PRKCE: variants seen among roughly 807,000 people sequenced by gnomAD.
PRKCE encodes protein kinase C epsilon type.
A neutral mutation model predicts 85.4 loss-of-function variants in PRKCE; 16 were observed. The ratio of observed to expected loss-of-function variants is 0.19; its 90% confidence interval spans 0.13 to 0.28. PRKCE has a LOEUF of 0.28. Ranked by LOEUF, PRKCE falls within the 10% of genes least tolerant of loss-of-function variation. The pLI is 1.00. For missense variants in PRKCE, 573 were observed against 975.2 expected, an observed-to-expected ratio of 0.59 and a Z score of 5.49; for synonymous variants, 388 against 371.5, an observed-to-expected ratio of 1.04 and a Z score of -0.51.
At chr2:45,869,678 T>TTTTGTC (rs1558774090) in intron 2 of PRKCE, among the ~76,000 whole-genome samples, 1 of 150,820 alleles carries the variant, frequency 6.6e-6, no homozygotes, top group African/African-American at 2.4e-5. Flanking sequence ...ACATTTTTCT[T>TTTTGTC]TTTGTTTTTG....
At chr2:45,897,338 T>A (rs1370218146) in intron 2 of PRKCE, among the ~76,000 whole-genome samples, 1 of 152,198 alleles carries the variant, frequency 6.6e-6, no homozygotes, top group African/African-American at 2.4e-5. Flanking sequence ...CTGATCTTCC[T>A]CAGGACACAG....
At chr2:46,152,014 AC>A (rs948841792) in intron 13 of PRKCE, among the ~76,000 whole-genome samples, 31 of 152,226 alleles carry the variant, frequency 2.0e-4, no homozygotes, top group Non-Finnish European at 5.9e-5. Context: ...AGGGACCATG[AC>A]TTCTAGACTT....
intron 2 of PRKCE, among the ~76,000 whole-genome samples, chr2:45,875,821 A>G (rs1352330489): frequency 6.6e-6 from 1 of 152,238 alleles, no homozygotes; most frequent in Non-Finnish European, 1.5e-5. Flanking sequence ...CTCATCACAG[A>G]CGTTTTAGAA....
intron 2 of PRKCE, among the ~76,000 whole-genome samples, chr2:45,865,666 C>T (rs1693533122): frequency 6.6e-6 from 1 of 152,174 alleles, no homozygotes; most frequent in African/African-American, 2.4e-5. Flanking sequence ...GCCTTTCCAA[C>T]ATGTGAGGCT....
At chr2:45,692,569 C>A (rs1013261156) in intron 1 of PRKCE, among the ~76,000 whole-genome samples, 1 of 152,164 alleles carries the variant, frequency 6.6e-6, no homozygotes, top group Non-Finnish European at 1.5e-5. Context: ...CTTCTACATA[C>A]ATTTTTAGGG....
intron 1 of PRKCE, among the ~76,000 whole-genome samples, chr2:45,822,941 A>G (rs1689654359): frequency 6.6e-6 from 1 of 152,254 alleles, no homozygotes. Context: ...ATAATCACAG[A>G]TAAGTGATGG....
chr2:46,047,022 T>C (rs1008569726), intron 10 of PRKCE, among the ~76,000 whole-genome samples: 1 of 152,178 alleles, frequency 6.6e-6, no homozygotes, highest in South Asian at 2.1e-4. Context: ...CTGCTCTCTG[T>C]CCCTTCTCCT....
chr2:46,089,228 G>A (rs761794844), intron 11 of PRKCE, among the ~76,000 whole-genome samples: 6 of 152,102 alleles, frequency 3.9e-5, no homozygotes, highest in Admixed American at 3.3e-4. Context: ...TTCAACCTTC[G>A]CATGGCTTCA....
intron 1 of PRKCE, among the ~76,000 whole-genome samples, chr2:45,776,774 G>T (rs1449657019): frequency 6.6e-6 from 1 of 152,102 alleles, no homozygotes; most frequent in African/African-American, 2.4e-5. Flanking sequence ...GAAAACTGCT[G>T]GAGGAAGGCC....
intron 1 of PRKCE, among the ~76,000 whole-genome samples, chr2:45,665,679 T>C (rs1277664792): frequency 6.6e-6 from 1 of 152,230 alleles, no homozygotes; most frequent in Non-Finnish European, 1.5e-5. Flanking sequence ...TAAATTTGAA[T>C]TGCAGGTAAA....
chr2:46,074,429 C>CAAAAAAAAAAAAAAAAAAAAAAAACAA (rs11287357), intron 10 of PRKCE, among the ~76,000 whole-genome samples: 25 of 93,804 alleles, frequency 2.7e-4, no homozygotes, highest in East Asian at 1.4e-3. Context: ...CAACAACAAC[C>CAAAAAAAAAAAAAAAAAAAAAAAACAA]AAAAAAAAAA....
In PRKCE at chr2:45,774,716, T is replaced by TG. The variant is rs907988519; in HGVS notation, c.349-68283dup. ...ATTTCCCACCTTGCCTTCTGATAGA[T>TG]GAATCAAGCCGGGACGCCCAGTCAC... is the stretch of plus-strand genomic sequence containing the variant. On this transcript the variant is annotated intron_variant, in intron 1 of 14. Coordinates refer to ENST00000306156, the MANE Select transcript of PRKCE (RefSeq NM_005400.3). The surrounding 1 kb of genome is among the most constrained non-coding windows in gnomAD (Gnocchi z 4.3). Among the ~76,000 whole-genome samples the TG allele has an allele frequency of 6.6e-6, 1 of 152,026 alleles. No individual in the cohort carries two copies. Among genetic ancestry groups the TG allele is most frequent in the Non-Finnish European group, 1.5e-5 (1 of 68,000 alleles).
chr2:45,851,133 G>C (rs1692221111), intron 2 of PRKCE, among the ~76,000 whole-genome samples: 1 of 152,180 alleles, frequency 6.6e-6, no homozygotes, highest in Non-Finnish European at 1.5e-5. Flanking sequence ...CGTGATCACT[G>C]ATCCACATGG....
At chr2:46,040,555 T>G (rs1326675643) in intron 10 of PRKCE, among the ~76,000 whole-genome samples, 1 of 152,212 alleles carries the variant, frequency 6.6e-6, no homozygotes, top group Admixed American at 6.5e-5. Context: ...TGAGAGCCAC[T>G]GTCTAGGACT....
chr2:46,177,222 C>A (rs1437127792), intron 14 of PRKCE, among the ~76,000 whole-genome samples: 2 of 152,154 alleles, frequency 1.3e-5, no homozygotes, highest in South Asian at 4.1e-4. Flanking sequence ...TCAAGACCAG[C>A]CAGGACAACA....
chr2:45,969,720 T>C (rs1701982816), intron 2 of PRKCE, among the ~76,000 whole-genome samples: 1 of 152,222 alleles, frequency 6.6e-6, no homozygotes, highest in African/African-American at 2.4e-5. Flanking sequence ...AAAAAGTCAC[T>C]AAAGAGCATT....
intron 8 of PRKCE, among the ~76,000 whole-genome samples, chr2:46,006,531 A>G (rs11691705): frequency 0.22 from 33,566 of 152,136 alleles, 4,091 homozygotes; most frequent in African/African-American, 0.31. Context: ...TCTGTCACTC[A>G]TGCCTAATTC....
At chr2:45,717,336 C>G (rs1188195700) in intron 1 of PRKCE, among the ~76,000 whole-genome samples, 1 of 152,248 alleles carries the variant, frequency 6.6e-6, no homozygotes, top group Non-Finnish European at 1.5e-5. Context: ...GGTTTGTTCT[C>G]TCTGTCTGTC....
At chr2:45,695,032 T>TCTGCCCC (rs1678029412) in intron 1 of PRKCE, among the ~76,000 whole-genome samples, 1 of 152,154 alleles carries the variant, frequency 6.6e-6, no homozygotes, top group Admixed American at 6.5e-5. Flanking sequence ...GGTCCTGCCC[T>TCTGCCCC]CTGCCCCTGT....
Sources: gnomAD v4.1 joint callset for allele counts (sites outside exome capture counted in the v4.1 genomes callset) on GRCh38, gnomAD v4.1.1 for gene constraint, Gnocchi (gnomAD v3.1) non-coding constraint, MANE v1.5 for transcripts, NCBI Gene and HGNC (gene_info 2026-07-23, HGNC 2026-07-21) for gene names.